The following PHACTR2 variants were observed in gnomAD, a reference collection of about 807,000 sequenced individuals.
The protein encoded by PHACTR2 is chromosome 6 open reading frame 56.
In PHACTR2, 30 loss-of-function variants were observed where a neutral mutation model predicts 76.0. That is an observed-to-expected ratio of 0.39 (90% confidence interval 0.30 to 0.54). PHACTR2 has a LOEUF of 0.54. Among genes scored for constraint, PHACTR2 ranks in the 20% least tolerant of loss-of-function variants. The probability of loss-of-function intolerance (pLI) is 0.61; values close to 1 mark genes in which losing one functional copy is unlikely to be tolerated. For missense variants in PHACTR2, 696 were observed against 781.1 expected (o/e 0.89, Z 1.30); for synonymous variants, 292 against 292.5 (o/e 1.00, Z 0.02).
At chr6:143,632,417 T>A (rs1001228844) in intron 1 of PHACTR2, among the ~76,000 whole-genome samples, 2 of 152,214 alleles carry the variant, frequency 1.3e-5, no homozygotes, top group Non-Finnish European at 2.9e-5. Context: ...AATAAATGTG[T>A]TTGACTTTTT....
chr6:143,600,045 C>T (rs2128435653), intron 1 of PHACTR2, among the ~76,000 whole-genome samples: 1 of 152,318 alleles, frequency 6.6e-6, no homozygotes, highest in South Asian at 2.1e-4. Context: ...GTAGTCTGAC[C>T]CTTTCTTAAA....
rs1249375408 is a variant in PHACTR2, at chr6:143,583,662, C to T, written c.217+46455C>T. Among the ~76,000 whole-genome samples, 3 of 152,264 alleles carry T rather than the reference C, an allele frequency of 2.0e-5. No homozygotes were observed. The highest frequency in any genetic ancestry group is 7.2e-5 in the African/African-American group (3 of 41,484). ...GCCTAATACTGTAATTTTCCCAGAACTGATAGCTTGATTTTGCCAGTTATA... is the reference window on the plus strand; with the variant it reads ...GCCTAATACTGTAATTTTCCCAGAATTGATAGCTTGATTTTGCCAGTTATA... On this transcript the variant is annotated intron_variant, in intron 1 of 11. Transcript: ENST00000367584. This position sits in a 1 kb window ranked among gnomAD's most constrained non-coding sequence, Gnocchi z 4.0.
At chr6:143,725,911 C>T (rs955280557) in intron 2 of PHACTR2, among the ~76,000 whole-genome samples, 8 of 151,984 alleles carry the variant, frequency 5.3e-5, no homozygotes, top group Non-Finnish European at 4.4e-5. Context: ...GAGTGACTCA[C>T]GAGAGCTTCC....
Position 143,767,742 on chromosome 6 carries a change from T to G in PHACTR2, c.1232+1944T>G, listed in dbSNP as rs1375935038. ...CTGTGAGCCCTTTTGAAAATGGCAT[T>G]AATCTATTCACGAGGGCAGAGCCTT... On this transcript the variant is annotated intron_variant, in intron 6 of 12. Transcript: ENST00000440869. This position sits in a 1 kb window ranked among gnomAD's most constrained non-coding sequence, Gnocchi z 4.4. Among the ~76,000 whole-genome samples, 2 of 152,328 alleles carry G rather than the reference T, an allele frequency of 1.3e-5. No individual in the cohort carries two copies. Among genetic ancestry groups the G allele is most frequent in the South Asian group, 2.1e-4 (1 of 4,824 alleles).
In PHACTR2 at chr6:143,539,991, G is replaced by C. The variant is rs1325605000; in HGVS notation, c.217+2784G>C. ...TAATGAGTAGCGAAGTTTGAGAACTGCTGTCCTGTGCCATATTATGTCACC... is the reference window on the plus strand; with the variant it reads ...TAATGAGTAGCGAAGTTTGAGAACTCCTGTCCTGTGCCATATTATGTCACC... On this transcript the variant is annotated intron_variant, in intron 1 of 11. Coordinates refer to the PHACTR2 transcript ENST00000367584. This position sits in a 1 kb window ranked among gnomAD's most constrained non-coding sequence, Gnocchi z 4.3. 1.3e-5 allele frequency among the ~76,000 whole-genome samples: 2 copies of C among 152,190 alleles called. No homozygotes were observed. Among genetic ancestry groups the C allele is most frequent in the Non-Finnish European group, 2.9e-5 (2 of 68,034 alleles).
At position 143,672,212 on chromosome 6, in the gene PHACTR2, A is replaced by C. The variant is rs902917564; in HGVS notation, c.14-39804A>C. On this transcript the variant is annotated intron_variant, in intron 1 of 11. Coordinates refer to the PHACTR2 transcript ENST00000305766. The surrounding 1 kb of genome is among the most constrained non-coding windows in gnomAD (Gnocchi z 5.8). Reference sequence around the variant, plus strand: ...ATTGAACTGTTTGCTTTAAATGGGTACATTTTAGGGTCCATAACTTATTCT... The same window carrying C: ...ATTGAACTGTTTGCTTTAAATGGGTCCATTTTAGGGTCCATAACTTATTCT... 4.6e-5 allele frequency among the ~76,000 whole-genome samples: 7 copies of C among 152,200 alleles called. No homozygotes were observed. The highest frequency in any genetic ancestry group is 1.7e-4 in the African/African-American group (7 of 41,532).
rs2128439067 is a variant in PHACTR2 at position 143,617,191 on chromosome 6, G to T, written c.13+8869G>T. Among the ~76,000 whole-genome samples, 1 of 152,326 alleles carries T rather than the reference G, an allele frequency of 6.6e-6. No individual in the cohort carries two copies. Among genetic ancestry groups the T allele is most frequent in the Non-Finnish European group, 1.5e-5 (1 of 68,022 alleles). ...TACTTCAATCCCAGCCCTGTGTCAAGGCCCAGCACATATCCCATCTTACAA... is the reference window on the plus strand; with the variant it reads ...TACTTCAATCCCAGCCCTGTGTCAATGCCCAGCACATATCCCATCTTACAA... On this transcript the variant is annotated intron_variant, in intron 1 of 11. Coordinates refer to the PHACTR2 transcript ENST00000305766. This position sits in a 1 kb window ranked among gnomAD's most constrained non-coding sequence, Gnocchi z 4.8.
chr6:143,733,728 A>G lies in PHACTR2; in HGVS notation c.215-15257A>G, dbSNP rs575369563. ...TGACTGCTCTGTATGGCAGCATTGC[A>G]AAGGTCAATGTGGGAACATCTTTCT... On this transcript the variant is annotated intron_variant, in intron 2 of 12. Transcript: ENST00000440869. This position sits in a 1 kb window ranked among gnomAD's most constrained non-coding sequence, Gnocchi z 4.0. Among the ~76,000 whole-genome samples, 23 of 152,120 alleles carry G rather than the reference A, an allele frequency of 1.5e-4. No homozygotes were observed. Among genetic ancestry groups the G allele is most frequent in the African/African-American group, 5.6e-4 (23 of 41,370 alleles).
Position 143,755,492 on chromosome 6 carries a change from T to A in PHACTR2, c.454+1580T>A, listed in dbSNP as rs1779277796. The A allele has an allele frequency of 2.6e-6, 1 of 386,016 alleles. No individual in the cohort carries two copies. The highest frequency in any genetic ancestry group is 5.2e-6 in the Non-Finnish European group (1 of 193,912). The allele number at this position is 386,016 out of a possible 1,614,324, so 23.9% of individuals were successfully genotyped here. On this transcript the variant is annotated intron_variant, in intron 4 of 12. Transcript: ENST00000440869. The surrounding 1 kb of genome is among the most constrained non-coding windows in gnomAD (Gnocchi z 5.2). Reference sequence around the variant, plus strand: ...CATAATAAAAAGTTCCTGACAGTTTTATATGAATTAACCAACAGACCTTGA... The same window carrying A: ...CATAATAAAAAGTTCCTGACAGTTTAATATGAATTAACCAACAGACCTTGA...
chr6:143,651,155 A>G (rs1776757290), intron 1 of PHACTR2, among the ~76,000 whole-genome samples: 1 of 152,182 alleles, frequency 6.6e-6, no homozygotes, highest in African/African-American at 2.4e-5. Context: ...ATCTCATGCC[A>G]GTCAGGATAG....
chr6:143,682,476 A>G (rs1342521144), intron 1 of PHACTR2, among the ~76,000 whole-genome samples: 1 of 152,106 alleles, frequency 6.6e-6, no homozygotes, highest in Non-Finnish European at 1.5e-5. Context: ...GGGCCTTCCA[A>G]TATTGCAGGG....
upstream of PHACTR2, among the ~76,000 whole-genome samples, chr6:143,676,766 C>A (rs1374394266): frequency 1.3e-5 from 2 of 151,474 alleles, no homozygotes; most frequent in African/African-American, 2.4e-5. The surrounding 1 kb of genome is among the most constrained non-coding windows in gnomAD (Gnocchi z 4.8). Context: ...ATCAGTGTTT[C>A]TTAAGAGTGA....
chr6:143,736,557 T>A (rs1778824012), intron 2 of PHACTR2, among the ~76,000 whole-genome samples: 3 of 15,806 alleles, frequency 1.9e-4, no homozygotes, highest in Admixed American at 1.1e-3. Context: ...CTTTACAATT[T>A]TTTTTTTTTT....
rs533145861 is a variant in PHACTR2, at chr6:143,648,872, A to T, written c.13+40550A>T. Reference sequence around the variant, plus strand: ...TATGTGTCCATGTGTGTGTCTATGCATATGTGTCTATGTATGTTTGTGTGT... The same window carrying T: ...TATGTGTCCATGTGTGTGTCTATGCTTATGTGTCTATGTATGTTTGTGTGT... On this transcript the variant is annotated intron_variant, in intron 1 of 11. Transcript: ENST00000305766. The surrounding 1 kb of genome is among the most constrained non-coding windows in gnomAD (Gnocchi z 6.7). Among the ~76,000 whole-genome samples the T allele has an allele frequency of 1.5e-5, 2 of 137,192 alleles. No homozygotes were observed. Among genetic ancestry groups the T allele is most frequent in the Non-Finnish European group, 3.2e-5 (2 of 63,140 alleles). 90.0% of individuals were successfully genotyped at this position (137,192 alleles called of 152,430 possible).
chr6:143,725,572 A>G (rs1282426338), intron 2 of PHACTR2, among the ~76,000 whole-genome samples: 2 of 151,566 alleles, frequency 1.3e-5, no homozygotes, highest in Non-Finnish European at 2.9e-5. Flanking sequence ...CTTCTTCACC[A>G]TAGTTTTGTT....
At chr6:143,593,046 CAAAA>C (rs67052242) in intron 1 of PHACTR2, among the ~76,000 whole-genome samples, 4 of 78,858 alleles carry the variant, frequency 5.1e-5, no homozygotes, top group Non-Finnish European at 9.5e-5. Flanking sequence ...GACCCTGCCT[CAAAA>C]AAAAAAAAAA....
chr6:143,717,919 A>G (rs1778339110), intron 2 of PHACTR2, among the ~76,000 whole-genome samples: 2 of 152,302 alleles, frequency 1.3e-5, no homozygotes, highest in East Asian at 1.9e-4. Flanking sequence ...AAAAATTATA[A>G]CAAATTAAAA....
chr6:143,802,204 C>T (rs1268738956), intron 11 of PHACTR2, among the ~76,000 whole-genome samples: 1 of 152,164 alleles, frequency 6.6e-6, no homozygotes, highest in Admixed American at 6.5e-5. Flanking sequence ...TCTCATAGAG[C>T]TTTGTTGTTG....
At chr6:143,574,679 CT>C (rs1466049339) in intron 1 of PHACTR2, among the ~76,000 whole-genome samples, 3 of 110,606 alleles carry the variant, frequency 2.7e-5, no homozygotes, top group Non-Finnish European at 5.7e-5. Context: ...CTTTTATATT[CT>C]TTTGATGGCA....
Sources: allele counts gnomAD v4.1 joint callset (sites outside exome capture counted in the v4.1 genomes callset), GRCh38; gene constraint gnomAD v4.1.1; non-coding constraint Gnocchi (gnomAD v3.1); transcripts MANE v1.5; gene names NCBI Gene and HGNC (gene_info 2026-07-23, HGNC 2026-07-21).